The following FHL5 variants were observed in gnomAD, a reference collection of about 807,000 sequenced individuals.
FHL5 encodes the protein four and a half LIM domains 5.
In FHL5, 33 loss-of-function variants were observed where a neutral mutation model predicts 32.0. The observed-to-expected ratio is 1.03, with a 90% CI of 0.78 to 1.38. The LOEUF is 1.38. FHL5 is among the 40% of genes most tolerant of loss of function. The pLI is 0.00. For synonymous variants in FHL5, 114 were observed against 113.6 expected (o/e 1.00, Z -0.02); for missense variants, 336 against 343.9 (o/e 0.98, Z 0.18).
chr6:96,616,642 G>A lies in FHL5; in HGVS notation c.*870G>A, dbSNP rs2127977266. 6.6e-6 allele frequency: 1 copy of A among 152,260 alleles called. No individual in the cohort carries two copies. Among genetic ancestry groups the A allele is most frequent in the East Asian group, 1.9e-4 (1 of 5,180 alleles). 9.4% of individuals were successfully genotyped at this position (152,260 alleles called of 1,614,324 possible). A position where few individuals can be genotyped will look rare whatever the true frequency, so the allele number is the denominator to read the frequency against. ...TAAATAGATCATTAAATCTTCACTT[G>A]TGGAAATGAGTTTTAGGGAAGGGAT... On this transcript the variant is annotated 3_prime_UTR_variant, in exon 6 of 6. Transcript: ENST00000450218.
intron 5 of FHL5, among the ~76,000 whole-genome samples, chr6:96,614,944 C>A (rs1431020848): frequency 1.3e-5 from 2 of 152,156 alleles, no homozygotes; most frequent in Non-Finnish European, 2.9e-5. Context: ...TGGCCAGATT[C>A]AACAAAAGCT....
At chr6:96,607,542 A>G (rs572122528) in intron 4 of FHL5, among the ~76,000 whole-genome samples, 7 of 152,298 alleles carry the variant, frequency 4.6e-5, no homozygotes, top group Admixed American at 4.6e-4. Context: ...GAGAATTACA[A>G]TTGATCACAT....
intron 1 of FHL5, among the ~76,000 whole-genome samples, chr6:96,570,630 CTGTT>C (rs1488905319): frequency 6.6e-6 from 1 of 152,110 alleles, no homozygotes; most frequent in Non-Finnish European, 1.5e-5. Flanking sequence ...ATACAAATAT[CTGTT>C]TGTTTAATGT....
chr6:96,597,555 A>T (rs1771061941), intron 1 of FHL5, among the ~76,000 whole-genome samples: 2 of 152,220 alleles, frequency 1.3e-5, no homozygotes, highest in Non-Finnish European at 2.9e-5. Flanking sequence ...GTCATCAATG[A>T]TTATATTTTT....
chr6:96,577,111 AT>A (rs1396686756), intron 1 of FHL5, among the ~76,000 whole-genome samples: 1 of 152,202 alleles, frequency 6.6e-6, no homozygotes, highest in African/African-American at 2.4e-5. Context: ...ACAGATAAAA[AT>A]TAAATTAAAT....
chr6:96,615,817 A>G lies in FHL5; in HGVS notation c.*45A>G. 1 of 1,488,358 alleles carries G rather than the reference A, an allele frequency of 6.7e-7. No individual in the cohort carries two copies. The highest frequency in any genetic ancestry group is 2.4e-5 in the East Asian group (1 of 42,260). The allele number at this position is 1,488,358 out of a possible 1,614,324, so 92.2% of individuals were successfully genotyped here. ...TAAAATCCATTTTGCCTTCGTTGTCACTAAAGCCAGAACTCAGTTGCGGTC... is the reference window on the plus strand; with the variant it reads ...TAAAATCCATTTTGCCTTCGTTGTCGCTAAAGCCAGAACTCAGTTGCGGTC... On this transcript the variant is annotated 3_prime_UTR_variant, in exon 6 of 6. Transcript: ENST00000450218.
chr6:96,588,672 A>C lies in FHL5; in HGVS notation c.-12-14930A>C, dbSNP rs548059164. 1.4e-3 allele frequency among the ~76,000 whole-genome samples: 206 copies of C among 152,268 alleles called. 1 individual carries two copies. Among genetic ancestry groups the C allele is most frequent in the African/African-American group, 4.1e-3 (169 of 41,564 alleles). ...AAATATTTTCCAGTTACAAAAGAAA[A>C]TATTTGCTTATTATGAGTGAATTAA... is the stretch of plus-strand genomic sequence containing the variant. On this transcript the variant is annotated intron_variant, in intron 1 of 5. Transcript: ENST00000450218.
At position 96,618,462 on chromosome 6, in the gene FHL5, A is replaced by G. The variant is rs944412323; in HGVS notation, c.*2690A>G. ...TAAAAAGTGACATAACCGGCCATAG[A>G]AAGTTACCAACTGTTCATAAGTAAA... On this transcript the variant is annotated 3_prime_UTR_variant, in exon 6 of 6. Coordinates refer to ENST00000450218, the MANE Select transcript of FHL5 (RefSeq NM_001322466.2). Among the ~76,000 whole-genome samples the G allele has an allele frequency of 1.3e-5, 2 of 152,260 alleles. No individual in the cohort carries two copies. Among genetic ancestry groups the G allele is most frequent in the Non-Finnish European group, 2.9e-5 (2 of 68,046 alleles).
chr6:96,602,425 TC>T (rs1771169342), intron 1 of FHL5, among the ~76,000 whole-genome samples: 2 of 115,194 alleles, frequency 1.7e-5, no homozygotes, highest in Admixed American at 9.1e-5. Context: ...ATGCGTTGTT[TC>T]TTTTTTTTTT....
intron 2 of FHL5, among the ~76,000 whole-genome samples, chr6:96,604,223 C>T (rs1205200099): frequency 6.6e-6 from 1 of 151,994 alleles, no homozygotes; most frequent in African/African-American, 2.4e-5. Flanking sequence ...CACCTACCAC[C>T]CCTTCCTCCG....
intron 1 of FHL5, among the ~76,000 whole-genome samples, chr6:96,572,992 T>A (rs565820270): frequency 1.3e-5 from 2 of 152,328 alleles, no homozygotes; most frequent in South Asian, 4.1e-4. Context: ...TAGTTGGCTA[T>A]CTTGCTGCTA....
At chr6:96,603,551 C>T in intron 1 of FHL5, 51 bp from the exon 2 acceptor site, 1 of 1,327,412 alleles carries the variant, frequency 7.5e-7, no homozygotes, top group Middle Eastern at 2.5e-4. Flanking sequence ...ATCATTTATC[C>T]TATAAACAAA....
chr6:96,605,511 C>T (rs1771257579), intron 3 of FHL5, among the ~76,000 whole-genome samples: 1 of 152,180 alleles, frequency 6.6e-6, no homozygotes, highest in Admixed American at 6.5e-5. Context: ...TCTAGAAGGC[C>T]ATAACTGCAC....
At chr6:96,587,713 T>A (rs1290211003) in intron 1 of FHL5, among the ~76,000 whole-genome samples, 2 of 152,380 alleles carry the variant, frequency 1.3e-5, no homozygotes, top group South Asian at 2.1e-4. Context: ...GATAATCTTA[T>A]ATTGCATCCT....
chr6:96,576,713 A>G (rs1020089939), intron 1 of FHL5, among the ~76,000 whole-genome samples: 4 of 152,242 alleles, frequency 2.6e-5, no homozygotes, highest in Admixed American at 6.5e-5. Flanking sequence ...TCCTTTCTGC[A>G]TTCATTCAGC....
chr6:96,565,299 C>A (rs1770333033), intron 1 of FHL5, among the ~76,000 whole-genome samples: 1 of 152,072 alleles, frequency 6.6e-6, no homozygotes, highest in South Asian at 2.1e-4. Flanking sequence ...TCTTTGAAAA[C>A]AATAGTGTGA....
intron 1 of FHL5, among the ~76,000 whole-genome samples, chr6:96,582,893 A>G (rs1334458086): frequency 6.6e-6 from 1 of 152,148 alleles, no homozygotes; most frequent in Non-Finnish European, 1.5e-5. Flanking sequence ...TTATAATTTA[A>G]TTGCACATTT....
rs1438862555 is a variant in FHL5 at position 96,617,420 on chromosome 6, A to G, written c.*1648A>G. Among the ~76,000 whole-genome samples, 1 of 152,250 alleles carries G rather than the reference A, an allele frequency of 6.6e-6. No individual in the cohort carries two copies. Among genetic ancestry groups the G allele is most frequent in the African/African-American group, 2.4e-5 (1 of 41,470 alleles). On this transcript the variant is annotated 3_prime_UTR_variant, in exon 6 of 6. Coordinates refer to ENST00000450218, the MANE Select transcript of FHL5 (RefSeq NM_001322466.2). ...AATTTTTGAAATAGTTTAAAATGCA[A>G]GAATATTCAGCGATGTTAATAATTT...
chr6:96,591,369 T>G (rs1232180152), intron 1 of FHL5, among the ~76,000 whole-genome samples: 2 of 152,214 alleles, frequency 1.3e-5, no homozygotes, highest in African/African-American at 4.8e-5. Flanking sequence ...TTGTACATAG[T>G]CAGATTTACA....
Sources: gnomAD v4.1 joint callset for allele counts (sites outside exome capture counted in the v4.1 genomes callset) on GRCh38, gnomAD v4.1.1 for gene constraint, MANE v1.5 for transcripts, NCBI Gene and HGNC (gene_info 2026-07-23, HGNC 2026-07-21) for gene names.